ERC2: variants seen among roughly 807,000 people sequenced by gnomAD.
ERC2 encodes ERC protein 2.
A neutral mutation model predicts 114.8 loss-of-function variants in ERC2; 42 were observed. That is an observed-to-expected ratio of 0.37 (90% CI 0.29 to 0.47). The LOEUF is 0.47. ERC2 is among the 20% of genes least tolerant of loss of function. The probability of loss-of-function intolerance (pLI) is 0.99; values close to 1 mark genes in which losing one functional copy is unlikely to be tolerated. For missense variants in ERC2, 939 were observed against 1,150.7 expected (o/e 0.82, Z 2.66); for synonymous variants, 454 against 425.5 (o/e 1.07, Z -0.82).
intron 4 of ERC2, among the ~76,000 whole-genome samples, chr3:56,156,714 G>A (rs2081742597): frequency 6.6e-6 from 1 of 152,176 alleles, no homozygotes; most frequent in Non-Finnish European, 1.5e-5. Context: ...GTGCATGGAA[G>A]GGAGCACTGG....
chr3:56,450,431 C>G (rs2062778089), intron 1 of ERC2, among the ~76,000 whole-genome samples: 1 of 152,150 alleles, frequency 6.6e-6, no homozygotes, highest in East Asian at 1.9e-4. Context: ...CAGACTCCAT[C>G]AATTTATTTC....
intron 14 of ERC2, among the ~76,000 whole-genome samples, chr3:55,822,320 A>G (rs2060156864): frequency 6.6e-6 from 1 of 152,206 alleles, no homozygotes; most frequent in African/African-American, 2.4e-5. Flanking sequence ...AAGACTTAAA[A>G]TCAACTAACA....
At chr3:55,614,637 A>G (rs1575777348) in intron 17 of ERC2, among the ~76,000 whole-genome samples, 2 of 152,342 alleles carry the variant, frequency 1.3e-5, no homozygotes, top group African/African-American at 4.8e-5. Flanking sequence ...TACTATGCCA[A>G]TGATACTAGT....
chr3:56,330,824 T>C (rs1360581489), intron 2 of ERC2, among the ~76,000 whole-genome samples: 1 of 152,158 alleles, frequency 6.6e-6, no homozygotes, highest in African/African-American at 2.4e-5. Flanking sequence ...ACAAATAACA[T>C]TTATTGAGCC....
intron 3 of ERC2, among the ~76,000 whole-genome samples, chr3:56,248,345 C>T (rs894998593): frequency 3.3e-5 from 5 of 152,160 alleles, no homozygotes; most frequent in African/African-American, 9.7e-5. Flanking sequence ...TCTCCTGCCT[C>T]GGCCTCCCAA....
At chr3:56,022,875 T>C (rs905910316) in intron 7 of ERC2, among the ~76,000 whole-genome samples, 1 of 152,144 alleles carries the variant, frequency 6.6e-6, no homozygotes, top group Non-Finnish European at 1.5e-5. Flanking sequence ...CTTCTGGTCA[T>C]GGCTGGGAAG....
chr3:55,796,082 G>C (rs992889489), intron 14 of ERC2, among the ~76,000 whole-genome samples: 1 of 152,224 alleles, frequency 6.6e-6, no homozygotes, highest in African/African-American at 2.4e-5. Flanking sequence ...GTGGTTGAGG[G>C]GGGAGGGTAG....
chr3:55,840,781 A>G (rs952462320), intron 14 of ERC2, among the ~76,000 whole-genome samples: 1 of 151,728 alleles, frequency 6.6e-6, no homozygotes, highest in African/African-American at 2.4e-5. Flanking sequence ...CTACTGGCAT[A>G]CTAGTAGGCA....
chr3:56,465,004 C>G (rs1013147476), intron 1 of ERC2, among the ~76,000 whole-genome samples: 2 of 152,198 alleles, frequency 1.3e-5, no homozygotes, highest in Non-Finnish European at 2.9e-5. Flanking sequence ...ATACCATTCA[C>G]CTTATTTTTC....
At chr3:56,403,415 C>T (rs73077703) in intron 2 of ERC2, among the ~76,000 whole-genome samples, 3,217 of 152,210 alleles carry the variant, frequency 0.021, 44 homozygotes, top group Middle Eastern at 0.058. Flanking sequence ...CACTAGACAC[C>T]TTTCCAGTGC....
chr3:55,706,313 A>T (rs1483830802), intron 15 of ERC2, among the ~76,000 whole-genome samples: 1 of 151,918 alleles, frequency 6.6e-6, no homozygotes, highest in Non-Finnish European at 1.5e-5. Context: ...GTTTCTGGAG[A>T]TCACTTCTCA....
chr3:55,709,736 G>A (rs1466462699), intron 15 of ERC2, among the ~76,000 whole-genome samples: 1 of 152,238 alleles, frequency 6.6e-6, no homozygotes, highest in Non-Finnish European at 1.5e-5. Context: ...ACCCCCCAAA[G>A]GGGGAGAGAA....
intron 2 of ERC2, among the ~76,000 whole-genome samples, chr3:56,363,940 T>C (rs1035482077): frequency 2.0e-5 from 3 of 151,956 alleles, no homozygotes; most frequent in African/African-American, 7.3e-5. Context: ...AGCAAGGGAA[T>C]GGAGAATAAA....
intron 7 of ERC2, among the ~76,000 whole-genome samples, chr3:56,041,615 C>A (rs2075196696): frequency 1.3e-5 from 2 of 152,152 alleles, no homozygotes; most frequent in Non-Finnish European, 1.5e-5. Flanking sequence ...CTCACTTTCT[C>A]CTTCTTCCTT....
chr3:55,660,427 G>T (rs1037185456), intron 17 of ERC2, among the ~76,000 whole-genome samples: 4 of 151,998 alleles, frequency 2.6e-5, no homozygotes, highest in Non-Finnish European at 5.9e-5. Flanking sequence ...GAAGAGAAAT[G>T]TAAGAGTGTG....
At chr3:55,526,072 AATAC>A (rs1190312493) in intron 17 of ERC2, among the ~76,000 whole-genome samples, 2 of 152,192 alleles carry the variant, frequency 1.3e-5, no homozygotes, top group African/African-American at 4.8e-5. Flanking sequence ...AGAGACACAG[AATAC>A]ATACAGGGAG....
At chr3:55,551,238 G>T (rs1038539386) in intron 17 of ERC2, among the ~76,000 whole-genome samples, 1 of 151,426 alleles carries the variant, frequency 6.6e-6, no homozygotes, top group Non-Finnish European at 1.5e-5. Context: ...TCAGGAAATT[G>T]GCTGCTGGGC....
chr3:55,796,200 C>T (rs912029923), intron 14 of ERC2, among the ~76,000 whole-genome samples: 2 of 152,040 alleles, frequency 1.3e-5, no homozygotes, highest in South Asian at 2.1e-4. Context: ...TTCAGGAAGG[C>T]GGAACAGCAC....
chr3:56,252,865 C>T (rs1464473679), intron 3 of ERC2, among the ~76,000 whole-genome samples: 1 of 151,054 alleles, frequency 6.6e-6, no homozygotes, highest in Non-Finnish European at 1.5e-5. Context: ...GATGTTATTA[C>T]AAACTATCCT....
Sources: gnomAD v4.1 joint callset for allele counts (sites outside exome capture counted in the v4.1 genomes callset) on GRCh38, gnomAD v4.1.1 for gene constraint, MANE v1.5 for transcripts, NCBI Gene and HGNC (gene_info 2026-07-23, HGNC 2026-07-21) for gene names.